The following DLC1 variants were observed in gnomAD, a reference collection of about 807,000 sequenced individuals.
The protein encoded by DLC1 is DLC1 Rho GTPase activating protein.
DLC1 carries 54 observed loss-of-function variants against 140.3 expected under a neutral mutation model. The ratio of observed to expected loss-of-function variants is 0.38; its 90% CI spans 0.31 to 0.48. The LOEUF (loss-of-function observed/expected upper bound fraction) is 0.48. Among genes scored for constraint, DLC1 ranks in the 20% least tolerant of loss-of-function variants. The pLI is 0.96. For missense variants in DLC1, 2,536 were observed against 1,907.0 expected, an observed-to-expected ratio of 1.33 and a Z score of -6.14; for synonymous variants, 986 against 728.1, an observed-to-expected ratio of 1.35 and a Z score of -5.70.
intron 7 of DLC1, among the ~76,000 whole-genome samples, chr8:13,108,162 A>C (rs1819746780): frequency 6.6e-6 from 1 of 152,172 alleles, no homozygotes; most frequent in Non-Finnish European, 1.5e-5. Flanking sequence ...TGAAAAGTCC[A>C]TTTATGTGGA....
intron 2 of DLC1, among the ~76,000 whole-genome samples, chr8:13,441,777 A>G (rs1164790911): frequency 2.0e-5 from 3 of 152,194 alleles, no homozygotes; most frequent in Non-Finnish European, 4.4e-5. Context: ...GAACATGGCC[A>G]TACTGCCCAA....
At chr8:13,361,255 G>A (rs540025636) in intron 4 of DLC1, among the ~76,000 whole-genome samples, 6 of 152,042 alleles carry the variant, frequency 3.9e-5, no homozygotes, top group Admixed American at 1.3e-4. Flanking sequence ...AAAACAAAAC[G>A]AGAGAGAGAA....
intron 17 of DLC1, 151 bp downstream of exon 17, chr8:13,086,139 C>T: frequency 7.5e-7 from 1 of 1,341,398 alleles, no homozygotes; most frequent in Non-Finnish European, 9.9e-7. Context: ...GAAAGACCAA[C>T]AAACATGAAA....
At chr8:13,243,212 C>A (rs907004088) in intron 5 of DLC1, among the ~76,000 whole-genome samples, 1 of 144,816 alleles carries the variant, frequency 6.9e-6, no homozygotes, top group Non-Finnish European at 1.5e-5. Flanking sequence ...ATCACTTGAA[C>A]CCAGGAGCTG....
At chr8:13,571,611 A>G (rs755473064) in intron 1 of DLC1, among the ~76,000 whole-genome samples, 9 of 152,194 alleles carry the variant, frequency 5.9e-5, no homozygotes, top group Non-Finnish European at 8.8e-5. Flanking sequence ...TCATCTGCTG[A>G]GGGACACTTG....
intron 5 of DLC1, among the ~76,000 whole-genome samples, chr8:13,296,623 A>G (rs954503749): frequency 2.6e-5 from 4 of 152,194 alleles, no homozygotes; most frequent in Non-Finnish European, 5.9e-5. Context: ...TCTACCAAAT[A>G]AACAGATTGA....
intron 5 of DLC1, among the ~76,000 whole-genome samples, chr8:13,232,116 G>A (rs1829074212): frequency 6.6e-6 from 1 of 152,216 alleles, no homozygotes; most frequent in East Asian, 1.9e-4. Context: ...GGCCTTTGGT[G>A]TCTGCAGCAG....
intron 1 of DLC1, among the ~76,000 whole-genome samples, chr8:13,510,436 C>A (rs1220167820): frequency 6.6e-6 from 1 of 152,120 alleles, no homozygotes; most frequent in African/African-American, 2.4e-5. Context: ...CTTGGCCTCC[C>A]ATATTCTTTC....
At chr8:13,319,763 T>C (rs1833013854) in intron 4 of DLC1, among the ~76,000 whole-genome samples, 1 of 150,490 alleles carries the variant, frequency 6.6e-6, no homozygotes, top group Non-Finnish European at 1.5e-5. Flanking sequence ...CAAGAGCGGA[T>C]TAATACACCA....
intron 4 of DLC1, among the ~76,000 whole-genome samples, chr8:13,391,909 G>A (rs112228665): frequency 0.11 from 3,440 of 30,770 alleles, 106 homozygotes; most frequent in African/African-American, 0.32. Context: ...TGAAAAAAAA[G>A]AAAAAGCCAA....
chr8:13,416,136 A>AG (rs1268595187), intron 2 of DLC1, among the ~76,000 whole-genome samples: 3 of 152,192 alleles, frequency 2.0e-5, no homozygotes, highest in Non-Finnish European at 4.4e-5. Context: ...GCTGGCGTCT[A>AG]GGGGTCCCAT....
intron 1 of DLC1, among the ~76,000 whole-genome samples, chr8:13,582,164 C>T (rs11780636): frequency 1.3e-5 from 2 of 151,952 alleles, no homozygotes; most frequent in South Asian, 2.1e-4. Context: ...CTTTTTCCAA[C>T]GGTTGGGATA....
In DLC1 at chr8:13,308,097, C is replaced by G. The variant is rs138286055; in HGVS notation, c.1315-2795G>C. Among the ~76,000 whole-genome samples, 60 of 152,268 alleles carry G rather than the reference C, an allele frequency of 3.9e-4. No homozygotes were observed. The East Asian group carries it at 9.4e-3, about 24-fold the overall frequency. On this transcript the variant is annotated intron_variant, in intron 4 of 17. Transcript: ENST00000276297. Reference sequence around the variant, plus strand: ...GACCAGTGACAAAAACAAGCCTTTTCTATATTTTATTTGATTTCAAAAGTA... The same window carrying G: ...GACCAGTGACAAAAACAAGCCTTTTGTATATTTTATTTGATTTCAAAAGTA...
intron 5 of DLC1, among the ~76,000 whole-genome samples, chr8:13,138,680 T>C (rs1160471933): frequency 2.0e-5 from 3 of 152,230 alleles, no homozygotes; most frequent in East Asian, 1.9e-4. Flanking sequence ...AAGTTAGAAA[T>C]TGAATGGCTG....
chr8:13,363,875 T>A (rs2117086890), intron 4 of DLC1, among the ~76,000 whole-genome samples: 1 of 152,330 alleles, frequency 6.6e-6, no homozygotes, highest in Middle Eastern at 3.4e-3. Context: ...TATGCTTGTG[T>A]GCCATTTGCT....
intron 1 of DLC1, among the ~76,000 whole-genome samples, chr8:13,587,471 C>A (rs973245822): frequency 7.3e-5 from 11 of 150,334 alleles, no homozygotes; most frequent in Non-Finnish European, 1.3e-4. Flanking sequence ...GTTTGAAGAG[C>A]TTTATAGAAT....
chr8:13,129,961 G>A (rs1193451322), intron 5 of DLC1, among the ~76,000 whole-genome samples: 1 of 152,168 alleles, frequency 6.6e-6, no homozygotes, highest in Admixed American at 6.6e-5. Flanking sequence ...TGCTAGGAAG[G>A]AGAGTGAAGC....
chr8:13,287,991 C>T (rs947450515), intron 5 of DLC1, among the ~76,000 whole-genome samples: 6 of 151,510 alleles, frequency 4.0e-5, no homozygotes, highest in Admixed American at 1.3e-4. Flanking sequence ...TAAATTCATA[C>T]GTTATCTTTA....
intron 2 of DLC1, among the ~76,000 whole-genome samples, chr8:13,403,990 C>T (rs1381377178): frequency 6.6e-6 from 1 of 151,948 alleles, no homozygotes; most frequent in Non-Finnish European, 1.5e-5. Context: ...CAATACTTTC[C>T]ATCCAGTAAT....
Sources: gnomAD v4.1 joint callset for allele counts (sites outside exome capture counted in the v4.1 genomes callset) on GRCh38, gnomAD v4.1.1 for gene constraint, MANE v1.5 for transcripts, NCBI Gene and HGNC (gene_info 2026-07-23, HGNC 2026-07-21) for gene names.